The following UBE3A variants were observed in gnomAD, a reference collection of about 807,000 sequenced individuals.
UBE3A encodes ubiquitin protein ligase E3A, also known as ubiquitin-protein ligase E3A.
A neutral mutation model predicts 83.4 loss-of-function variants in UBE3A; 6 were observed. The observed-to-expected ratio is 0.07, with a 90% confidence interval of 0.04 to 0.14. The LOEUF (loss-of-function observed/expected upper bound fraction) is 0.14, where lower values mean the gene tolerates loss of function less well. UBE3A is among the 10% of genes least tolerant of loss of function. The probability of loss-of-function intolerance (pLI) is 1.00; values close to 1 mark genes in which losing one functional copy is unlikely to be tolerated. For missense variants in UBE3A, 456 were observed against 1,036.1 expected, an observed-to-expected ratio of 0.44 and a Z score of 7.69; for synonymous variants, 337 against 355.4, an observed-to-expected ratio of 0.95 and a Z score of 0.58.
intron 9 of UBE3A, among the ~76,000 whole-genome samples, chr15:25,355,470 A>C (rs1223477515): frequency 6.6e-6 from 1 of 152,170 alleles, no homozygotes; most frequent in African/African-American, 2.4e-5. Flanking sequence ...GTCAATAGAA[A>C]CCCAAATCTG....
chr15:25,379,659 C>T (rs1162461334), intron 4 of UBE3A, among the ~76,000 whole-genome samples: 1 of 152,070 alleles, frequency 6.6e-6, no homozygotes, highest in Non-Finnish European at 1.5e-5. Context: ...ATAAAAGGGC[C>T]TCTACGTTGG....
intron 2 of UBE3A, among the ~76,000 whole-genome samples, chr15:25,411,494 G>A (rs1234410846): frequency 6.6e-6 from 1 of 152,154 alleles, no homozygotes; most frequent in African/African-American, 2.4e-5. Context: ...GGAGGCCAAG[G>A]CATGAGAATC....
At chr15:25,392,420 CTTTCCCTTTTAAA>C (rs1395083666) in intron 4 of UBE3A, among the ~76,000 whole-genome samples, 1 of 152,148 alleles carries the variant, frequency 6.6e-6, no homozygotes, top group Non-Finnish European at 1.5e-5. Flanking sequence ...CTATTAGATA[CTTTCCCTTTTAAA>C]TTTCCCTTTG....
intron 1 of UBE3A, among the ~76,000 whole-genome samples, chr15:25,428,265 A>G (rs1892005757): frequency 6.6e-6 from 1 of 152,226 alleles, no homozygotes. Flanking sequence ...TAATGCTGGA[A>G]CAACTAGCTT....
intron 12 of UBE3A, 150 bp downstream of exon 12, chr15:25,339,935 C>A: frequency 9.3e-7 from 1 of 1,080,588 alleles, no homozygotes. Flanking sequence ...ACAATGACAG[C>A]AAAGTATTTT....
rs2073938610 is a variant in UBE3A at position 25,335,883 on chromosome 15, T to C, written c.*3254A>G. 1.3e-5 allele frequency: 2 copies of C among 152,148 alleles called. No homozygotes were observed. The highest frequency in any genetic ancestry group is 4.1e-4 in the South Asian group (2 of 4,826). The allele number at this position is 152,148 out of a possible 1,614,324, so 9.4% of individuals were successfully genotyped here. ...GGGTAAACTGGGATGGAAAAACAAGTAGCCAGAGAAGCAACAGCCCAAGCT... is the reference window on the plus strand; with the variant it reads ...GGGTAAACTGGGATGGAAAAACAAGCAGCCAGAGAAGCAACAGCCCAAGCT... On this transcript the variant is annotated 3_prime_UTR_variant, in exon 13 of 13. Transcript: ENST00000648336.
chr15:25,414,167 T>C (rs2090471108), intron 1 of UBE3A, among the ~76,000 whole-genome samples: 1 of 152,270 alleles, frequency 6.6e-6, no homozygotes, highest in Middle Eastern at 3.4e-3. Context: ...AACTCAATTA[T>C]TTTCCCAAAG....
intron 7 of UBE3A, among the ~76,000 whole-genome samples, chr15:25,357,776 G>A (rs1297244438): frequency 2.0e-5 from 3 of 152,022 alleles, no homozygotes; most frequent in Non-Finnish European, 2.9e-5. Context: ...GGATAAATCT[G>A]ATGAACTTAG....
intron 1 of UBE3A, among the ~76,000 whole-genome samples, chr15:25,433,034 A>AG (rs1460623285): frequency 6.6e-6 from 1 of 152,152 alleles, no homozygotes; most frequent in African/African-American, 2.4e-5. Flanking sequence ...TTAACACAAC[A>AG]GGTCTGGTAC....
At chr15:25,349,770 G>A (rs2076227870) in intron 11 of UBE3A, among the ~76,000 whole-genome samples, 1 of 152,078 alleles carries the variant, frequency 6.6e-6, no homozygotes, top group East Asian at 1.9e-4. Context: ...CTGCTCTTGT[G>A]CTTTAGGGCC....
In UBE3A at chr15:25,371,663, T is replaced by A. The variant is rs140245963; in HGVS notation, c.511A>T (p.Thr171Ser). 8 of 1,614,118 alleles carry A rather than the reference T, an allele frequency of 5.0e-6. No individual in the cohort carries two copies. The highest frequency in any genetic ancestry group is 6.8e-6 in the Non-Finnish European group (8 of 1,180,010). ...VQSFRKVKQH[T>S]KEELKSLQAK... ...TGAAGAGATTTCAGTTCTTCCTTGG[T>A]GTGTTGTTTAACTTTCCGGAAGCTC... Residue 171 changes from threonine (T) to serine (S), a missense_variant, in exon 6 of 13, where the codon ACC (threonine) becomes TCC (serine). Transcript: ENST00000648336. This position sits in a 1 kb window ranked among gnomAD's most constrained non-coding sequence, Gnocchi z 5.3.
At chr15:25,385,605 C>T (rs1252474866) in intron 4 of UBE3A, among the ~76,000 whole-genome samples, 1 of 152,062 alleles carries the variant, frequency 6.6e-6, no homozygotes, top group Admixed American at 6.5e-5. Flanking sequence ...GTCACCACTC[C>T]ATCCTAACAA....
intron 6 of UBE3A, among the ~76,000 whole-genome samples, chr15:25,369,910 A>G (rs1485376407): frequency 1.3e-5 from 2 of 152,184 alleles, no homozygotes; most frequent in Non-Finnish European, 2.9e-5. Context: ...TTGATGTTAC[A>G]GGCACCACTA....
At chr15:25,395,370 G>A (rs2085318250) in intron 4 of UBE3A, among the ~76,000 whole-genome samples, 1 of 152,062 alleles carries the variant, frequency 6.6e-6, no homozygotes, top group Non-Finnish European at 1.5e-5. Flanking sequence ...CAAGACTCCT[G>A]GGAAACAATT....
chr15:25,391,943 T>C (rs1309153125), intron 4 of UBE3A, among the ~76,000 whole-genome samples: 1 of 152,030 alleles, frequency 6.6e-6, no homozygotes, highest in African/African-American at 2.4e-5. Flanking sequence ...GTTAATCATA[T>C]AAATAAAGAT....
rs1159969391 is a variant in UBE3A, at chr15:25,398,771, T to TTATA, written c.62+6686_62+6689dup. Among the ~76,000 whole-genome samples, 412 of 68,744 alleles carry TTATA rather than the reference T, an allele frequency of 6.0e-3. 3 individuals are homozygous for TTATA. The highest frequency in any genetic ancestry group is 0.017 in the African/African-American group (374 of 22,190). The allele number at this position is 68,744 out of a possible 152,430, so 45.1% of individuals were successfully genotyped here. On this transcript the variant is annotated intron_variant, in intron 4 of 12. Transcript: ENST00000648336. ...CAGCGCACTGATTTTATTCTTTTAT[T>TTATA]TATATATATATATATATATATATAT...
chr15:25,381,313 T>C (rs2082127777), intron 4 of UBE3A, among the ~76,000 whole-genome samples: 1 of 152,048 alleles, frequency 6.6e-6, no homozygotes, highest in South Asian at 2.1e-4. Context: ...ATATAAGCAA[T>C]GAATACAAGC....
chr15:25,413,652 G>A (rs1012370048), intron 1 of UBE3A, among the ~76,000 whole-genome samples: 5 of 152,056 alleles, frequency 3.3e-5, no homozygotes, highest in African/African-American at 7.2e-5. Context: ...TAGCTCCTCA[G>A]AGTACCATTT....
chr15:25,427,944 T>C (rs1395228751), intron 1 of UBE3A, among the ~76,000 whole-genome samples: 1 of 151,946 alleles, frequency 6.6e-6, no homozygotes, highest in African/African-American at 2.4e-5. Context: ...GGAACACGGA[T>C]GGAACAAGAA....
Sources: allele counts gnomAD v4.1 joint callset (sites outside exome capture counted in the v4.1 genomes callset), GRCh38; gene constraint gnomAD v4.1.1; non-coding constraint Gnocchi (gnomAD v3.1); transcripts MANE v1.5; gene names NCBI Gene and HGNC (gene_info 2026-07-23, HGNC 2026-07-21).